CELF2: variants seen among roughly 807,000 people sequenced by gnomAD.
The protein encoded by CELF2 is CUGBP Elav-like family member 2.
In CELF2, 8 loss-of-function variants were observed where a neutral mutation model predicts 62.6. That is an observed-to-expected ratio of 0.13 (90% confidence interval 0.07 to 0.23). The LOEUF is 0.23. Ranked by LOEUF, CELF2 falls within the 10% of genes least tolerant of loss-of-function variation. The pLI is 1.00. For missense variants in CELF2, 333 were observed against 671.0 expected (o/e 0.50, Z 5.56); for synonymous variants, 258 against 250.0 (o/e 1.03, Z -0.30).
At chr10:10,764,868 A>G in the CELF2 span, among the ~76,000 whole-genome samples, 8 of 152,020 alleles carry the variant, frequency 5.3e-5, no homozygotes, top group Admixed American at 1.3e-4. Flanking sequence ...AAATATCTCC[A>G]CTTCACATCT....
chr10:10,624,923 G>A, the CELF2 span, among the ~76,000 whole-genome samples: 1 of 152,208 alleles, frequency 6.6e-6, no homozygotes, highest in Admixed American at 6.5e-5. Context: ...TACTTTTGTT[G>A]TTAACAATAA....
chr10:10,826,822 G>C (rs2057428219), intron 1 of CELF2, among the ~76,000 whole-genome samples: 1 of 152,220 alleles, frequency 6.6e-6, no homozygotes, highest in Non-Finnish European at 1.5e-5. Context: ...ATTGCTGTTT[G>C]TGCAAAGTAA....
At chr10:11,310,887 C>A (rs12243016) in intron 9 of CELF2, among the ~76,000 whole-genome samples, 1 of 151,548 alleles carries the variant, frequency 6.6e-6, no homozygotes, top group Non-Finnish European at 1.5e-5. Flanking sequence ...ACTCAATTAG[C>A]AAAGAATACT....
At chr10:10,777,759 C>T in the CELF2 span, among the ~76,000 whole-genome samples, 40,554 of 151,946 alleles carry the variant, frequency 0.27, 6,269 homozygotes, top group East Asian at 0.5. Context: ...GAGGATGAAC[C>T]GAAATCCCAA....
chr10:10,999,360 G>C (rs1251267147), intron 2 of CELF2, among the ~76,000 whole-genome samples: 1 of 152,248 alleles, frequency 6.6e-6, no homozygotes, highest in Non-Finnish European at 1.5e-5. Flanking sequence ...GGAGGAAACA[G>C]ATAACAAACA....
intron 2 of CELF2, among the ~76,000 whole-genome samples, chr10:11,199,850 C>T (rs1417702852): frequency 1.3e-5 from 2 of 152,168 alleles, no homozygotes; most frequent in African/African-American, 4.8e-5. Flanking sequence ...TAAAACCAGT[C>T]AGAGTGTTTA....
the CELF2 span, among the ~76,000 whole-genome samples, chr10:10,589,454 A>T: frequency 1.3e-5 from 2 of 152,206 alleles, no homozygotes; most frequent in Non-Finnish European, 2.9e-5. Context: ...TTTCAGGTTA[A>T]CTTTGGAATG....
chr10:10,677,359 C>T, the CELF2 span, among the ~76,000 whole-genome samples: 1 of 152,158 alleles, frequency 6.6e-6, no homozygotes, highest in Non-Finnish European at 1.5e-5. Flanking sequence ...ATGGTGATAG[C>T]AGAAACCAAC....
At chr10:10,685,733 G>C in the CELF2 span, among the ~76,000 whole-genome samples, 3 of 152,150 alleles carry the variant, frequency 2.0e-5, no homozygotes, top group Non-Finnish European at 4.4e-5. Flanking sequence ...TCTTTGCTGT[G>C]GGTTGAGACA....
the CELF2 span, among the ~76,000 whole-genome samples, chr10:10,604,772 T>C: frequency 1.3e-5 from 2 of 152,242 alleles, no homozygotes; most frequent in African/African-American, 4.8e-5. Context: ...ATTATTTATG[T>C]GAATAACTTA....
chr10:11,071,148 A>G (rs992415171), intron 1 of CELF2, among the ~76,000 whole-genome samples: 20 of 152,184 alleles, frequency 1.3e-4, no homozygotes, highest in Admixed American at 9.2e-4. Flanking sequence ...TCAGTTTTCT[A>G]CCTTCATGAA....
At chr10:10,752,494 T>C in the CELF2 span, among the ~76,000 whole-genome samples, 2 of 151,684 alleles carry the variant, frequency 1.3e-5, no homozygotes, top group Admixed American at 1.3e-4. Context: ...ATTGAGACCA[T>C]CCTGACCAAC....
intron 9 of CELF2, among the ~76,000 whole-genome samples, chr10:11,303,397 T>A (rs1457831067): frequency 3.3e-5 from 5 of 152,196 alleles, no homozygotes; most frequent in African/African-American, 4.8e-5. Context: ...ATCCATCCAG[T>A]CGCCACTCTG....
chr10:10,496,366 C>T, the CELF2 span, among the ~76,000 whole-genome samples: 3 of 152,152 alleles, frequency 2.0e-5, no homozygotes, highest in African/African-American at 7.2e-5. Flanking sequence ...AATTTCTTGC[C>T]TATACTACCA....
the CELF2 span, among the ~76,000 whole-genome samples, chr10:10,746,061 T>C: frequency 6.6e-6 from 1 of 152,232 alleles, no homozygotes; most frequent in Non-Finnish European, 1.5e-5. Flanking sequence ...TTTAATTAGA[T>C]GGCCAGTCCA....
intron 1 of CELF2, among the ~76,000 whole-genome samples, chr10:11,161,461 G>T (rs1295973475): frequency 6.6e-6 from 1 of 152,234 alleles, no homozygotes; most frequent in Non-Finnish European, 1.5e-5. Context: ...TGAAGCAGAG[G>T]CAGTTGACCT....
chr10:11,162,676 A>T (rs2065994683), intron 1 of CELF2, among the ~76,000 whole-genome samples: 1 of 152,298 alleles, frequency 6.6e-6, no homozygotes, highest in African/African-American at 2.4e-5. Context: ...CAAAATACAC[A>T]TATTATTATT....
intron 9 of CELF2, among the ~76,000 whole-genome samples, chr10:11,294,804 G>C (rs747721160): frequency 1.3e-5 from 2 of 152,196 alleles, no homozygotes; most frequent in Non-Finnish European, 2.9e-5. Flanking sequence ...CCAGCTACTC[G>C]GGAGGCTGAG....
At position 11,257,882 on chromosome 10, in the gene CELF2, C is replaced by T; in HGVS notation, c.538+10C>T. The stretch of plus-strand genomic sequence containing the variant: ...GATGGGCTGAGTCGAGGTGAGTGTG[C>T]TGTCTGGAAAGCCTCTCCCCTTCAG... On this transcript the variant is annotated intron_variant, in intron 5 of 12. Transcript: ENST00000633077. 6.2e-7 allele frequency: 1 copy of T among 1,613,938 alleles called. No individual in the cohort carries two copies. Among genetic ancestry groups the T allele is most frequent in the Non-Finnish European group, 8.5e-7 (1 of 1,179,844 alleles).
Sources: allele counts gnomAD v4.1 joint callset (sites outside exome capture counted in the v4.1 genomes callset), GRCh38; gene constraint gnomAD v4.1.1; transcripts MANE v1.5; gene names NCBI Gene and HGNC (gene_info 2026-07-23, HGNC 2026-07-21).